STK3: variants seen among roughly 807,000 people sequenced by gnomAD.
STK3 encodes serine/threonine kinase 3.
In STK3, 41 loss-of-function variants were observed where a neutral mutation model predicts 58.0. That is an observed-to-expected ratio of 0.71 (90% CI 0.55 to 0.92). STK3 has a LOEUF of 0.92. STK3 is among the 40% of genes least tolerant of loss of function. The pLI is 0.00. For missense variants in STK3, 479 were observed against 602.7 expected, an observed-to-expected ratio of 0.79 and a Z score of 2.15; for synonymous variants, 170 against 191.0, an observed-to-expected ratio of 0.89 and a Z score of 0.91.
At chr8:98,555,505 CTTCTTAAAA>C (rs1238587282) in intron 8 of STK3, among the ~76,000 whole-genome samples, 1 of 151,996 alleles carries the variant, frequency 6.6e-6, no homozygotes, top group Non-Finnish European at 1.5e-5. Context: ...TTTTATTTTT[CTTCTTAAAA>C]TGACATTAAA....
chr8:98,804,745 T>G (rs1011007359), intron 1 of STK3, among the ~76,000 whole-genome samples: 5 of 152,216 alleles, frequency 3.3e-5, no homozygotes, highest in Non-Finnish European at 5.9e-5. Flanking sequence ...ATTAAACAGA[T>G]GAACTTTTAG....
Position 98,455,504 on chromosome 8 carries a change from C to A in STK3, c.*338G>T. The A allele has an allele frequency of 9.1e-6, 2 of 219,880 alleles. No homozygotes were observed. Among genetic ancestry groups the A allele is most frequent in the South Asian group, 9.8e-5 (1 of 10,236 alleles). 13.6% of individuals were successfully genotyped at this position (219,880 alleles called of 1,614,324 possible). On this transcript the variant is annotated 3_prime_UTR_variant, in exon 11 of 11. Coordinates refer to ENST00000419617, the MANE Select transcript of STK3 (RefSeq NM_006281.4). ...TAGATAGGAATAAAGAATATTGTAA[C>A]ATAAAGCCCTTCAGTGCTGTACAAT...
chr8:98,549,734 T>G (rs1398880484), intron 8 of STK3, among the ~76,000 whole-genome samples: 1 of 151,000 alleles, frequency 6.6e-6, no homozygotes, highest in Non-Finnish European at 1.5e-5. Context: ...AAAAATAAAT[T>G]AACAAATCCT....
chr8:98,695,213 T>C (rs1824778246), intron 6 of STK3, among the ~76,000 whole-genome samples: 1 of 152,186 alleles, frequency 6.6e-6, no homozygotes, highest in Non-Finnish European at 1.5e-5. Flanking sequence ...TTCTTGTAAA[T>C]TTGTTTGAGT....
chr8:98,640,059 T>C (rs945937257), intron 6 of STK3, among the ~76,000 whole-genome samples: 25 of 152,154 alleles, frequency 1.6e-4, no homozygotes, highest in African/African-American at 5.8e-4. Context: ...TTCTATTCTA[T>C]TCTACTCATT....
intron 6 of STK3, among the ~76,000 whole-genome samples, chr8:98,627,927 C>A (rs1818860681): frequency 6.6e-6 from 1 of 152,138 alleles, no homozygotes; most frequent in Admixed American, 6.6e-5. Context: ...TGCCAGCACA[C>A]TATGTTGTTT....
rs1190671679 is a variant in STK3, at chr8:98,428,746, T to A, written n.483+5381A>T. On this transcript the variant is annotated intron_variant and non_coding_transcript_variant, in intron 3 of 3. Coordinates refer to the STK3 transcript ENST00000517832. The surrounding 1 kb of genome is among the most constrained non-coding windows in gnomAD (Gnocchi z 6.7). ...GTGGCCCCTGACTTCCTCAAGTTCT[T>A]CAAGAATGCCCTAAACCTTATTGAC... 3 of 1,614,224 alleles carry A rather than the reference T, an allele frequency of 1.9e-6. No individual in the cohort carries two copies. In the African/African-American group the frequency reaches 4.0e-5, roughly 22 times the overall value.
chr8:98,876,948 G>C (rs997110005), intron 3 of STK3, among the ~76,000 whole-genome samples: 3 of 152,208 alleles, frequency 2.0e-5, no homozygotes, highest in African/African-American at 7.2e-5. Flanking sequence ...ACTCCTTGCA[G>C]AAAAGATAAA....
At chr8:98,501,411 A>G (rs1823584721) in intron 10 of STK3, among the ~76,000 whole-genome samples, 1 of 152,160 alleles carries the variant, frequency 6.6e-6, no homozygotes, top group Non-Finnish European at 1.5e-5. Flanking sequence ...TAATTTAATT[A>G]GATCCCATTT....
chr8:98,396,785 T>C (rs1440916015), downstream of STK3, among the ~76,000 whole-genome samples: 1 of 152,232 alleles, frequency 6.6e-6, no homozygotes, highest in Admixed American at 6.5e-5. Context: ...CGCTGACTGC[T>C]GGTGTGCAGT....
intron 6 of STK3, among the ~76,000 whole-genome samples, chr8:98,665,493 G>A (rs996656313): frequency 1.3e-5 from 2 of 151,826 alleles, no homozygotes; most frequent in Non-Finnish European, 2.9e-5. Context: ...GTCTTCCCAG[G>A]CTCAAGCAAT....
chr8:98,850,285 C>T (rs540183855), intron 3 of STK3, among the ~76,000 whole-genome samples: 1 of 152,172 alleles, frequency 6.6e-6, no homozygotes, highest in African/African-American at 2.4e-5. Context: ...GCAATCCTCC[C>T]TCCTCAGCTT....
At chr8:98,790,944 A>G (rs1453921072) in intron 1 of STK3, among the ~76,000 whole-genome samples, 1 of 151,770 alleles carries the variant, frequency 6.6e-6, no homozygotes, top group Non-Finnish European at 1.5e-5. Context: ...AGATCGCGCC[A>G]TTGCACTCCA....
intron 2 of STK3, among the ~76,000 whole-genome samples, chr8:98,772,324 C>T (rs1236081149): frequency 2.6e-5 from 4 of 152,118 alleles, no homozygotes; most frequent in Admixed American, 6.5e-5. Flanking sequence ...TGTTAGGAGA[C>T]GTTTGGGTCA....
chr8:98,873,410 T>G (rs200065675), intron 3 of STK3, among the ~76,000 whole-genome samples: 1 of 152,140 alleles, frequency 6.6e-6, no homozygotes, highest in African/African-American at 2.4e-5. Context: ...CTTTCTGTCT[T>G]GTTGATCTGT....
intron 1 of STK3, among the ~76,000 whole-genome samples, chr8:98,799,027 C>T (rs561763147): frequency 2.6e-5 from 4 of 152,260 alleles, no homozygotes; most frequent in African/African-American, 9.6e-5. Context: ...TCTTGGACTT[C>T]CCAGTCTTTA....
chr8:98,492,644 C>G (rs1393563375), intron 10 of STK3, among the ~76,000 whole-genome samples: 1 of 151,680 alleles, frequency 6.6e-6, no homozygotes, highest in African/African-American at 2.4e-5. Context: ...TTAGATAAAT[C>G]AAGAAGACCT....
chr8:98,560,296 T>C (rs1811909469), intron 8 of STK3, among the ~76,000 whole-genome samples: 1 of 152,158 alleles, frequency 6.6e-6, no homozygotes, highest in South Asian at 2.1e-4. Flanking sequence ...GACATCATTG[T>C]CTGTGTAGAA....
At chr8:98,653,752 C>A (rs560810374) in intron 6 of STK3, among the ~76,000 whole-genome samples, 45 of 152,128 alleles carry the variant, frequency 3.0e-4, no homozygotes, top group African/African-American at 9.4e-4. Flanking sequence ...ATAAATTCCT[C>A]GACACATACA....
Sources: gnomAD v4.1 joint callset for allele counts (sites outside exome capture counted in the v4.1 genomes callset) on GRCh38, gnomAD v4.1.1 for gene constraint, Gnocchi (gnomAD v3.1) non-coding constraint, MANE v1.5 for transcripts, NCBI Gene and HGNC (gene_info 2026-07-23, HGNC 2026-07-21) for gene names.